Variants in FAM162A observed in about 807,000 individuals in gnomAD.
The protein encoded by FAM162A is protein FAM162A.
A neutral mutation model predicts 21.8 loss-of-function variants in FAM162A; 23 were observed. That is an observed-to-expected ratio of 1.05 (90% confidence interval 0.76 to 1.49). FAM162A has a LOEUF of 1.49. Ranked by LOEUF, FAM162A falls within the 40% of genes most tolerant of loss-of-function variation. FAM162A has a pLI of 0.00. For synonymous variants in FAM162A, 53 were observed against 61.3 expected (o/e 0.86, Z 0.64); for missense variants, 165 against 186.4 (o/e 0.89, Z 0.67).
intron 2 of FAM162A, 56 bp downstream of exon 2, chr3:122,402,938 C>T: frequency 6.5e-7 from 1 of 1,542,808 alleles, no homozygotes; most frequent in Non-Finnish European, 8.7e-7. Flanking sequence ...AGTAGGAAAA[C>T]TTGGAATCAA....
At chr3:122,404,054 A>G (rs1014311114) in intron 2 of FAM162A, among the ~76,000 whole-genome samples, 1 of 152,074 alleles carries the variant, frequency 6.6e-6, no homozygotes, top group Non-Finnish European at 1.5e-5. Context: ...CAAGCTCCTC[A>G]CCGTTTCCTT....
intron 1 of FAM162A, among the ~76,000 whole-genome samples, chr3:122,389,229 T>C (rs974554146): frequency 2.6e-5 from 4 of 152,122 alleles, no homozygotes; most frequent in African/African-American, 9.7e-5. Context: ...GAAATAAGAA[T>C]TTTATTAATA....
rs557014259 is a variant in FAM162A, at chr3:122,412,095, C to T, written c.*2264C>T. On this transcript the variant is annotated 3_prime_UTR_variant, in exon 5 of 5. Coordinates refer to ENST00000477892, the MANE Select transcript of FAM162A (RefSeq NM_014367.4). ...ACTAGTAACTCTGATATCTCATAGT[C>T]CTCAGATTTATCAAGCAAACGAAAC... is the stretch of plus-strand genomic sequence containing the variant. 6.6e-6 allele frequency: 1 copy of T among 152,296 alleles called. No individual in the cohort carries two copies. The highest frequency in any genetic ancestry group is 1.9e-4 in the East Asian group (1 of 5,190). 9.4% of individuals were successfully genotyped at this position (152,296 alleles called of 1,614,324 possible). A position where few individuals can be genotyped will look rare whatever the true frequency, so the allele number is the denominator to read the frequency against.
At chr3:122,408,189 A>C (rs1272449411) in intron 4 of FAM162A, among the ~76,000 whole-genome samples, 3 of 152,094 alleles carry the variant, frequency 2.0e-5, no homozygotes, top group Admixed American at 6.5e-5. Flanking sequence ...CACCCCCATA[A>C]CCCTAAGAGG....
At chr3:122,396,261 A>G (rs891588046) in intron 1 of FAM162A, among the ~76,000 whole-genome samples, 2 of 152,182 alleles carry the variant, frequency 1.3e-5, no homozygotes, top group African/African-American at 4.8e-5. Context: ...ATATTTGCAA[A>G]GTACATATCA....
intron 1 of FAM162A, among the ~76,000 whole-genome samples, chr3:122,386,391 A>C (rs1184483430): frequency 6.6e-6 from 1 of 152,088 alleles, no homozygotes; most frequent in Non-Finnish European, 1.5e-5. Context: ...TCTACAAAAA[A>C]AACTTTTAAA....
rs181463718 is a variant in FAM162A at position 122,390,323 on chromosome 3, G to C, written c.34+6024G>C. ...GGGAAGGATGAGAAAACGGATATAG[G>C]GAGTCTGTTTCTGTCACAAAGCCCA... On this transcript the variant is annotated intron_variant, in intron 1 of 4. Coordinates refer to ENST00000477892, the MANE Select transcript of FAM162A (RefSeq NM_014367.4). 5.3e-3 allele frequency among the ~76,000 whole-genome samples: 802 copies of C among 152,172 alleles called. 9 individuals are homozygous for C. Among genetic ancestry groups the C allele is most frequent in the African/African-American group, 0.018 (743 of 41,504 alleles).
At chr3:122,409,527 C>T (rs2075693381) in intron 4 of FAM162A, among the ~76,000 whole-genome samples, 1 of 152,078 alleles carries the variant, frequency 6.6e-6, no homozygotes, top group Non-Finnish European at 1.5e-5. Context: ...AGAGGTGTGG[C>T]ACTTCTTACT....
chr3:122,401,837 G>GT (rs1181217206), intron 1 of FAM162A, among the ~76,000 whole-genome samples: 1 of 151,924 alleles, frequency 6.6e-6, no homozygotes, highest in Non-Finnish European at 1.5e-5. Flanking sequence ...TTGATAATTT[G>GT]TTTAAGTTCC....
At chr3:122,388,740 T>C (rs757049727) in intron 1 of FAM162A, among the ~76,000 whole-genome samples, 10 of 152,132 alleles carry the variant, frequency 6.6e-5, no homozygotes, top group Non-Finnish European at 1.0e-4. Context: ...GAAGGGCTAA[T>C]GATGAGAATC....
chr3:122,389,222 A>G (rs2075588176), intron 1 of FAM162A, among the ~76,000 whole-genome samples: 1 of 152,164 alleles, frequency 6.6e-6, no homozygotes, highest in South Asian at 2.1e-4. Flanking sequence ...AAAAGAGGAA[A>G]TAAGAATTTT....
chr3:122,398,443 A>G (rs1447829851), intron 1 of FAM162A, among the ~76,000 whole-genome samples: 1 of 152,240 alleles, frequency 6.6e-6, no homozygotes, highest in Non-Finnish European at 1.5e-5. Flanking sequence ...CAGACACAAT[A>G]CCACCTATGA....
rs1160778420 is a variant in FAM162A at position 122,411,156 on chromosome 3, C to CA, written c.*1326dup. ...ACAGCCATGCCAACATGCTGGTTCT[C>CA]AGAGAGTTATAAGAGAGATTAAAAA... is the stretch of plus-strand genomic sequence containing the variant. On this transcript the variant is annotated 3_prime_UTR_variant, in exon 5 of 5. Coordinates refer to ENST00000477892, the MANE Select transcript of FAM162A (RefSeq NM_014367.4). 1 of 152,128 alleles carries CA rather than the reference C, an allele frequency of 6.6e-6. No individual in the cohort carries two copies. The highest frequency in any genetic ancestry group is 2.4e-5 in the African/African-American group (1 of 41,420). The allele number at this position is 152,128 out of a possible 1,614,324, so 9.4% of individuals were successfully genotyped here.
intron 1 of FAM162A, among the ~76,000 whole-genome samples, chr3:122,397,464 T>G (rs2075633972): frequency 6.6e-6 from 1 of 152,158 alleles, no homozygotes; most frequent in South Asian, 2.1e-4. Flanking sequence ...TCTTGGACAT[T>G]CCATTTCTGT....
chr3:122,401,441 C>G, intron 1 of FAM162A: 1 of 1,145,086 alleles, frequency 8.7e-7, no homozygotes, highest in Non-Finnish European at 1.1e-6. Flanking sequence ...GGAGAGAGAT[C>G]AGGCTTGACT....
chr3:122,402,265 A>G (rs1395599361), intron 1 of FAM162A, among the ~76,000 whole-genome samples: 1 of 151,810 alleles, frequency 6.6e-6, no homozygotes, highest in Non-Finnish European at 1.5e-5. Flanking sequence ...ATGTAGTTCA[A>G]AACTACATCT....
chr3:122,402,736 G>A, intron 1 of FAM162A, 24 bp from the exon 2 acceptor site: 1 of 1,429,528 alleles, frequency 7.0e-7, no homozygotes, highest in Non-Finnish European at 9.3e-7. Flanking sequence ...TTCTTTCTTT[G>A]AAACATTTTC....
rs1428931772 is a variant in FAM162A at position 122,410,368 on chromosome 3, A to G, written c.*537A>G. On this transcript the variant is annotated 3_prime_UTR_variant, in exon 5 of 5. Coordinates refer to ENST00000477892, the MANE Select transcript of FAM162A (RefSeq NM_014367.4). ...AGAATAGTTTTTTAAACATTCTGAC[A>G]AGGTCCAGCCAGGAATTTCTAAGGA... 1.2e-5 allele frequency: 2 copies of G among 160,302 alleles called. No homozygotes were observed. The highest frequency in any genetic ancestry group is 3.2e-3 in the Middle Eastern group (1 of 310). The allele number at this position is 160,302 out of a possible 1,614,324, so 9.9% of individuals were successfully genotyped here. A position where few individuals can be genotyped will look rare whatever the true frequency, so the allele number is the denominator to read the frequency against.
intron 1 of FAM162A, chr3:122,401,414 G>A: frequency 9.2e-7 from 1 of 1,082,074 alleles, no homozygotes; most frequent in Non-Finnish European, 1.1e-6. Context: ...ACATAAGTGA[G>A]ATTTTATGGG....
Sources: allele counts gnomAD v4.1 joint callset (sites outside exome capture counted in the v4.1 genomes callset), GRCh38; gene constraint gnomAD v4.1.1; transcripts MANE v1.5; gene names NCBI Gene and HGNC (gene_info 2026-07-23, HGNC 2026-07-21).